Variants in CAMK2B observed in about 807,000 individuals in gnomAD.
The protein encoded by CAMK2B is calcium/calmodulin dependent protein kinase II beta.
CAMK2B carries 27 observed loss-of-function variants against 93.7 expected under a neutral mutation model. That is an observed-to-expected ratio of 0.29 (90% CI 0.21 to 0.40). The LOEUF is 0.40. Ranked by LOEUF, CAMK2B falls within the 10% of genes least tolerant of loss-of-function variation. CAMK2B has a pLI of 1.00. For synonymous variants in CAMK2B, 374 were observed against 358.8 expected (o/e 1.04, Z -0.48); for missense variants, 568 against 895.8 (o/e 0.63, Z 4.67).
intron 19 of CAMK2B, among the ~76,000 whole-genome samples, chr7:44,227,888 T>C (rs1437188419): frequency 9.1e-6 from 1 of 109,746 alleles, no homozygotes; most frequent in African/African-American, 3.5e-5. Context: ...CAGAGGGGGA[T>C]GTAGGGATAG....
At chr7:44,229,072 G>A (rs756411421) in intron 18 of CAMK2B, 148 bp from the exon 19 acceptor site, 6 of 795,976 alleles carry the variant, frequency 7.5e-6, no homozygotes, top group African/African-American at 5.1e-5. Flanking sequence ...CTCAATAGCA[G>A]GGAGCCCCCC....
At chr7:44,276,460 G>C (rs975217273) in intron 2 of CAMK2B, among the ~76,000 whole-genome samples, 2 of 152,194 alleles carry the variant, frequency 1.3e-5, no homozygotes, top group Non-Finnish European at 2.9e-5. Flanking sequence ...AGGGGTCCCA[G>C]GCAGGCAGGC....
chr7:44,303,469 A>G (rs1313838068), intron 1 of CAMK2B, among the ~76,000 whole-genome samples: 5 of 152,206 alleles, frequency 3.3e-5, no homozygotes, highest in Non-Finnish European at 5.9e-5. Flanking sequence ...GAAGGAGAAG[A>G]GCAAAGTCTG....
chr7:44,276,111 G>T (rs1183974637), intron 2 of CAMK2B, among the ~76,000 whole-genome samples: 3 of 150,598 alleles, frequency 2.0e-5, no homozygotes, highest in African/African-American at 4.9e-5. Context: ...GGGGAGAGAA[G>T]CCAGAGGGGA....
chr7:44,285,592 G>A (rs1018085712), intron 1 of CAMK2B, among the ~76,000 whole-genome samples: 1 of 152,156 alleles, frequency 6.6e-6, no homozygotes, highest in Non-Finnish European at 1.5e-5. Context: ...GTCCTTTGTG[G>A]AGATAAATCT....
chr7:44,229,402 G>A lies in CAMK2B; in HGVS notation c.1325C>T (p.Pro442Leu). Residue 442 changes from proline to leucine, a missense_variant, in exon 18 of 24, where the codon CCC becomes CTC. Coordinates refer to ENST00000395749, the MANE Select transcript of CAMK2B (RefSeq NM_001220.5). ...AGGCTACTTACATGGGGCTGGCAGG[G>A]GGCTAAAGGGAGCCGGAGATGGGCA... is the stretch of plus-strand genomic sequence containing the variant. ...LPCPSPAPFS[P>L]LPAPSPRISD... The A allele has an allele frequency of 6.6e-7, 1 of 1,523,608 alleles. No individual in the cohort carries two copies. The highest frequency in any genetic ancestry group is 8.8e-7 in the Non-Finnish European group (1 of 1,135,738). 94.4% of individuals were successfully genotyped at this position (1,523,608 alleles called of 1,614,324 possible). A position where few individuals can be genotyped will look rare whatever the true frequency, so the allele number is the denominator to read the frequency against.
intron 17 of CAMK2B, among the ~76,000 whole-genome samples, chr7:44,230,789 G>GC (rs1379471456): frequency 7.9e-5 from 12 of 152,166 alleles, no homozygotes; most frequent in African/African-American, 2.9e-4. Flanking sequence ...GACCGAGACT[G>GC]CCCAGCTGTC....
chr7:44,321,508 A>T (rs1210434481), intron 1 of CAMK2B, among the ~76,000 whole-genome samples: 1 of 152,108 alleles, frequency 6.6e-6, no homozygotes, highest in Non-Finnish European at 1.5e-5. Flanking sequence ...ATCTTTCCTG[A>T]ACTTCGGTTC....
chr7:44,227,939 C>T (rs62459095), intron 19 of CAMK2B, among the ~76,000 whole-genome samples: 6,767 of 75,812 alleles, frequency 0.089, 206 homozygotes, highest in Admixed American at 0.16. Context: ...GTAGGCTGAC[C>T]GAGGGGGATA....
chr7:44,235,001 G>C (rs2096612423), intron 13 of CAMK2B, among the ~76,000 whole-genome samples: 1 of 152,248 alleles, frequency 6.6e-6, no homozygotes, highest in South Asian at 2.1e-4. Context: ...CCTAGAGGAA[G>C]GCAGGATGCT....
intron 11 of CAMK2B, among the ~76,000 whole-genome samples, chr7:44,241,049 G>A (rs1382119782): frequency 6.6e-6 from 1 of 152,206 alleles, no homozygotes; most frequent in Non-Finnish European, 1.5e-5. Flanking sequence ...CACCACGGCA[G>A]CTCCTCTGGG....
chr7:44,321,161 A>G (rs961489933), intron 1 of CAMK2B, among the ~76,000 whole-genome samples: 1 of 152,224 alleles, frequency 6.6e-6, no homozygotes, highest in African/African-American at 2.4e-5. Context: ...CTTCCCTGGC[A>G]ACCGGCTCAG....
chr7:44,267,801 A>G (rs1357595507), intron 2 of CAMK2B, among the ~76,000 whole-genome samples: 1 of 152,184 alleles, frequency 6.6e-6, no homozygotes, highest in African/African-American at 2.4e-5. Context: ...CCCATAAACA[A>G]TTGCCCTCAA....
intron 3 of CAMK2B, among the ~76,000 whole-genome samples, chr7:44,259,838 C>T (rs771384488): frequency 2.0e-5 from 3 of 152,176 alleles, no homozygotes; most frequent in Admixed American, 6.5e-5. Flanking sequence ...ACAACGAGGA[C>T]GACGACAGCC....
chr7:44,324,280 C>T (rs1460300051), intron 1 of CAMK2B, among the ~76,000 whole-genome samples: 1 of 152,178 alleles, frequency 6.6e-6, no homozygotes, highest in African/African-American at 2.4e-5. Flanking sequence ...AGCGCCCCCA[C>T]CGCCTGCACT....
rs1793847001 is a variant in CAMK2B, at chr7:44,312,611, G to A, written c.65+12746C>T. Among the ~76,000 whole-genome samples the A allele has an allele frequency of 1.3e-5, 2 of 152,242 alleles. No individual in the cohort carries two copies. The highest frequency in any genetic ancestry group is 2.9e-5 in the Non-Finnish European group (2 of 68,004). ...ACCACACCAGGAAGAGCCTAGAAAA[G>A]ACCAGGAAGCAAAAGAGGGAGGAAA... is the stretch of plus-strand genomic sequence containing the variant. On this transcript the variant is annotated intron_variant, in intron 1 of 23. Transcript: ENST00000395749. The surrounding 1 kb of genome is among the most constrained non-coding windows in gnomAD (Gnocchi z 4.1).
intron 13 of CAMK2B, among the ~76,000 whole-genome samples, chr7:44,235,281 C>T (rs774514514): frequency 4.6e-5 from 7 of 152,246 alleles, no homozygotes; most frequent in Non-Finnish European, 7.3e-5. Context: ...GCCCTCATTC[C>T]GAGCTGCCCA....
Position 44,239,728 on chromosome 7 carries a change from G to A in CAMK2B, c.947-65C>T, listed in dbSNP as rs571570836. The A allele has an allele frequency of 6.2e-5, 70 of 1,131,676 alleles. No homozygotes were observed. In the African/African-American group the frequency reaches 9.9e-4, roughly 16 times the overall value. The allele number at this position is 1,131,676 out of a possible 1,614,324, so 70.1% of individuals were successfully genotyped here. A position where few individuals can be genotyped will look rare whatever the true frequency, so the allele number is the denominator to read the frequency against. On this transcript the variant is annotated intron_variant, in intron 12 of 23. Coordinates refer to ENST00000395749, the MANE Select transcript of CAMK2B (RefSeq NM_001220.5). ...GGGCGGACACAGACGAGGGGTGGGC[G>A]AGGTAAGGGAAGAAAAGAGACAAAG... is the stretch of plus-strand genomic sequence containing the variant.
chr7:44,297,668 A>T (rs1415750685), intron 1 of CAMK2B, among the ~76,000 whole-genome samples: 5 of 152,230 alleles, frequency 3.3e-5, no homozygotes, highest in Non-Finnish European at 7.3e-5. Flanking sequence ...AGTTATCTAC[A>T]GATTCAAGTG....
Sources: allele counts gnomAD v4.1 joint callset (sites outside exome capture counted in the v4.1 genomes callset), GRCh38; gene constraint gnomAD v4.1.1; non-coding constraint Gnocchi (gnomAD v3.1); transcripts MANE v1.5; gene names NCBI Gene and HGNC (gene_info 2026-07-23, HGNC 2026-07-21).